EPS8L1: variants seen among roughly 807,000 people sequenced by gnomAD.
EPS8L1 encodes epidermal growth factor receptor kinase substrate 8-like protein 1.
EPS8L1 carries 101 observed loss-of-function variants against 91.7 expected under a neutral mutation model. The observed-to-expected ratio is 1.10, with a 90% CI of 0.94 to 1.30. EPS8L1 has a LOEUF of 1.30. EPS8L1 is among the 50% of genes most tolerant of loss of function. The pLI, the probability that EPS8L1 is intolerant of heterozygous loss-of-function variation, is 0.00. For synonymous variants in EPS8L1, 506 were observed against 445.3 expected, an observed-to-expected ratio of 1.14 and a Z score of -1.72; for missense variants, 1,114 against 1,017.0, an observed-to-expected ratio of 1.10 and a Z score of -1.30.
At chr19:55,077,989 C>G (rs965383698) in intron 2 of EPS8L1, 99 bp from the exon 3 acceptor site, 1 of 806,728 alleles carries the variant, frequency 1.2e-6, no homozygotes, top group Non-Finnish European at 2.1e-6. Context: ...CCATCGCTCC[C>G]CATTACCTTC....
At position 55,083,528 on chromosome 19, in the gene EPS8L1, A is replaced by G; in HGVS notation, c.1356+9A>G. 1 of 1,608,038 alleles carries G rather than the reference A, an allele frequency of 6.2e-7. No individual in the cohort carries two copies. The highest frequency in any genetic ancestry group is 1.1e-5 in the South Asian group (1 of 90,626). ...AGCGGAGGCGCCGGCAGGTGACCCAAGCGACACAGCAGGGCCGAGGCTGGG... is the reference window on the plus strand; with the variant it reads ...AGCGGAGGCGCCGGCAGGTGACCCAGGCGACACAGCAGGGCCGAGGCTGGG... On this transcript the variant is annotated intron_variant, in intron 13 of 19. Transcript: ENST00000201647. The surrounding 1 kb of genome is among the most constrained non-coding windows in gnomAD (Gnocchi z 4.7).
At position 55,086,523 on chromosome 19, in the gene EPS8L1, G is replaced by A. The variant is rs1332633471; in HGVS notation, c.1777+5G>A. The A allele has an allele frequency of 2.6e-6, 4 of 1,550,736 alleles. No homozygotes were observed. The Admixed American group carries it at 7.8e-5, about 30-fold the overall frequency. ...GCTTGGACCCCAGCGAGAAGGGTGA[G>A]TGGTGGGGACGCCGGCTGCGGGGAG... On this transcript the variant is annotated splice_donor_5th_base_variant and intron_variant, in intron 17 of 19. Coordinates refer to ENST00000201647, the MANE Select transcript of EPS8L1 (RefSeq NM_133180.3).
chr19:55,081,202 A>G lies in EPS8L1; in HGVS notation c.513-29A>G. On this transcript the variant is annotated intron_variant, in intron 7 of 19. Coordinates refer to ENST00000201647, the MANE Select transcript of EPS8L1 (RefSeq NM_133180.3). The surrounding 1 kb of genome is among the most constrained non-coding windows in gnomAD (Gnocchi z 4.9). ...CCTCCCTGGACCCCTCAGTGGACCC[A>G]GTCTTGGTGTCCCCGTCGCCCTCCG... 1 of 1,487,672 alleles carries G rather than the reference A, an allele frequency of 6.7e-7. No individual in the cohort carries two copies. The highest frequency in any genetic ancestry group is 8.9e-7 in the Non-Finnish European group (1 of 1,128,438). 92.2% of individuals were successfully genotyped at this position (1,487,672 alleles called of 1,614,324 possible). A position where few individuals can be genotyped will look rare whatever the true frequency, so the allele number is the denominator to read the frequency against.
Position 55,086,043 on chromosome 19 carries a change from GTTC to G in EPS8L1, c.1519-15_1519-13del, listed in dbSNP as rs1164613183. ...GCTGCAGACAGGCTCTGAACCCTCTGTTCTTTACCACACCCAGGTCCTGGATGA... is the reference window on the plus strand; with the variant it reads ...GCTGCAGACAGGCTCTGAACCCTCTGTTTACCACACCCAGGTCCTGGATGA... On this transcript the variant is annotated splice_polypyrimidine_tract_variant and intron_variant, in intron 15 of 19. Transcript: ENST00000201647. 2 of 1,596,788 alleles carry G rather than the reference GTTC, an allele frequency of 1.3e-6. No individual in the cohort carries two copies. The highest frequency in any genetic ancestry group is 4.5e-5 in the East Asian group (2 of 44,518).
At position 55,078,102 on chromosome 19, in the gene EPS8L1, C is replaced by T. The variant is rs1347866425; in HGVS notation, c.32C>T (p.Pro11Leu). MSTATGPEAA[P>L]KPSAKSIYEQ... ...TTCTTCACCAGCCCAGAAGCTGCCC[C>T]AAAGCCAAGCGCCAAGTCTATCTAT... Residue 11 changes from proline to leucine, a missense_variant, in exon 3 of 20, where the codon CCA (proline) becomes CTA (leucine). Physicochemically the swap from Pro to Leu is moderately conservative, Grantham distance 98. Transcript: ENST00000201647. 6.2e-7 allele frequency: 1 copy of T among 1,613,844 alleles called. No individual in the cohort carries two copies.
chr19:55,079,204 C>A, intron 4 of EPS8L1, 147 bp downstream of exon 4: 1 of 784,014 alleles, frequency 1.3e-6, no homozygotes, highest in Non-Finnish European at 2.2e-6. Flanking sequence ...TCCGTTGCCT[C>A]ACCTCAGTCA....
rs1374684092 is a variant in EPS8L1, at chr19:55,086,054, C to T, written c.1519-7C>T. The stretch of plus-strand genomic sequence containing the variant: ...GCTCTGAACCCTCTGTTCTTTACCA[C>T]ACCCAGGTCCTGGATGACAGTCGTA... On this transcript the variant is annotated splice_region_variant and splice_polypyrimidine_tract_variant and intron_variant, in intron 15 of 19. Coordinates refer to ENST00000201647, the MANE Select transcript of EPS8L1 (RefSeq NM_133180.3). 6.3e-7 allele frequency: 1 copy of T among 1,594,466 alleles called. No homozygotes were observed. Among genetic ancestry groups the T allele is most frequent in the Admixed American group, 1.7e-5 (1 of 58,844 alleles).
chr19:55,081,281 C>T lies in EPS8L1; in HGVS notation c.563C>T (p.Pro188Leu). ...GACCGCTCGCCCGCCGCTGAGACCC[C>T]GCCCCTGCAGCGCCGCCCGTCAGTC... ...QRDRSPAAETPPLQRRPSVRA... is the reference protein window; with the variant it reads ...QRDRSPAAETLPLQRRPSVRA... The change falls in exon 8 of 20, where the codon CCG (proline) becomes CTG (leucine). Residue 188 changes from proline to leucine, a missense_variant. Coordinates refer to ENST00000201647, the MANE Select transcript of EPS8L1 (RefSeq NM_133180.3). This position sits in a 1 kb window ranked among gnomAD's most constrained non-coding sequence, Gnocchi z 4.9. The T allele has an allele frequency of 1.9e-6, 3 of 1,543,148 alleles. No individual in the cohort carries two copies. Among genetic ancestry groups the T allele is most frequent in the South Asian group, 1.2e-5 (1 of 84,034 alleles).
intron 17 of EPS8L1, 81 bp from the exon 18 acceptor site, chr19:55,086,633 G>GCGCCCCCCCCCCCCCCCCCCCC: frequency 1.4e-6 from 2 of 1,428,506 alleles, no homozygotes; most frequent in Non-Finnish European, 1.9e-6. Context: ...GGACGCTGGA[G>GCGCCCCCCCCCCCCCCCCCCCC]CGCCCCCCCG....
Position 55,081,863 on chromosome 19 carries a change from G to A in EPS8L1, c.865G>A (p.Glu289Lys), listed in dbSNP as rs777137091. ...AEAARVLEHR[E>K]RGRRSRRRAA... Reference sequence around the variant, plus strand: ...GGCGGCCAGGGTGCTGGAGCACCGGGAACGCGGCCGCAGGAGCCGGCGCCG... The same window carrying A: ...GGCGGCCAGGGTGCTGGAGCACCGGAAACGCGGCCGCAGGAGCCGGCGCCG... The change falls in exon 9 of 20, where the codon GAA becomes AAA. Residue 289 changes from glutamate to lysine, a missense_variant. Glu to Lys is a moderately conservative substitution (Grantham distance 56). Transcript: ENST00000201647. This position sits in a 1 kb window ranked among gnomAD's most constrained non-coding sequence, Gnocchi z 4.9. 3 of 1,609,282 alleles carry A rather than the reference G, an allele frequency of 1.9e-6. No individual in the cohort carries two copies. Among genetic ancestry groups the A allele is most frequent in the South Asian group, 1.1e-5 (1 of 90,958 alleles).
rs779688931 is a variant in EPS8L1, at chr19:55,081,764, G to A, written c.775-9G>A. The A allele has an allele frequency of 1.9e-6, 3 of 1,602,754 alleles. No individual in the cohort carries two copies. Among genetic ancestry groups the A allele is most frequent in the African/African-American group, 1.3e-5 (1 of 74,588 alleles). ...GGAGCCCTGAGCGTCCCCCTCCTCT[G>A]TCCCCTAGGACATCCTGAACCACGT... On this transcript the variant is annotated splice_polypyrimidine_tract_variant and intron_variant, in intron 8 of 19. Transcript: ENST00000201647. The surrounding 1 kb of genome is among the most constrained non-coding windows in gnomAD (Gnocchi z 4.9).
Position 55,081,515 on chromosome 19 carries a change from T to TG in EPS8L1, c.774+28dup, listed in dbSNP as rs753070972. Reference sequence around the variant, plus strand: ...GTGGTGAGCCGCTAAGGAAGGGGTCTGGGGGCAGGGCCAGGCGACTGGAGG... The same window carrying TG: ...GTGGTGAGCCGCTAAGGAAGGGGTCTGGGGGGCAGGGCCAGGCGACTGGAGG... On this transcript the variant is annotated intron_variant, in intron 8 of 19. Transcript: ENST00000201647. The surrounding 1 kb of genome is among the most constrained non-coding windows in gnomAD (Gnocchi z 4.9). The TG allele has an allele frequency of 2.6e-6, 4 of 1,539,148 alleles. No individual in the cohort carries two copies. In the African/African-American group the frequency reaches 4.2e-5, roughly 16 times the overall value.
chr19:55,078,291 TGG>T (rs531734675), intron 3 of EPS8L1, among the ~76,000 whole-genome samples, 163 bp downstream of exon 3: 2 of 60,364 alleles, frequency 3.3e-5, no homozygotes, highest in African/African-American at 1.3e-4. Context: ...GAAGAGGGGC[TGG>T]GGGGCTGGAC....
chr19:55,087,048 C>T, intron 18 of EPS8L1, 160 bp downstream of exon 18: 1 of 1,084,830 alleles, frequency 9.2e-7, no homozygotes, highest in Non-Finnish European at 1.3e-6. Context: ...CAATGGCAGG[C>T]TGTGATTGCC....
At position 55,086,202 on chromosome 19, in the gene EPS8L1, C is replaced by G; in HGVS notation, c.1650+10C>G. ...CCCTGCCCGCAGCCTGGTGAGCCAG[C>G]GCAGACGCTGGGATCTTGAGGGTGG... is the stretch of plus-strand genomic sequence containing the variant. On this transcript the variant is annotated intron_variant, in intron 16 of 19. Coordinates refer to ENST00000201647, the MANE Select transcript of EPS8L1 (RefSeq NM_133180.3). The G allele has an allele frequency of 6.3e-7, 1 of 1,592,294 alleles. No homozygotes were observed. The highest frequency in any genetic ancestry group is 1.2e-5 in the South Asian group (1 of 86,770).
At position 55,086,512 on chromosome 19, in the gene EPS8L1, G is replaced by A. The variant is rs200225675; in HGVS notation, c.1771G>A (p.Glu591Lys). ...CDSLNGLDPS[E>K]KEKFSQMLIV... ...TAGCCTCAACGGCTTGGACCCCAGC[G>A]AGAAGGGTGAGTGGTGGGGACGCCG... The change falls in exon 17 of 20, where the codon GAG becomes AAG. Residue 591 changes from glutamate (E) to lysine (K), a missense_variant. Physicochemically the swap from Glu to Lys is moderately conservative, Grantham distance 56. Coordinates refer to ENST00000201647, the MANE Select transcript of EPS8L1 (RefSeq NM_133180.3). 9 of 1,551,202 alleles carry A rather than the reference G, an allele frequency of 5.8e-6. No homozygotes were observed. In the South Asian group the frequency reaches 8.3e-5, roughly 14 times the overall value.
intron 17 of EPS8L1, 79 bp from the exon 18 acceptor site, chr19:55,086,635 G>GGCCCCCCCCCCCCCC: frequency 4.6e-6 from 6 of 1,307,682 alleles, no homozygotes; most frequent in Non-Finnish European, 6.3e-6. Context: ...ACGCTGGAGC[G>GGCCCCCCCCCCCCCC]CCCCCCCGCC....
intron 17 of EPS8L1, 77 bp from the exon 18 acceptor site, chr19:55,086,637 C>CCCCCCCCCCCCCCCCCATGG: frequency 7.3e-7 from 1 of 1,374,364 alleles, no homozygotes; most frequent in Non-Finnish European, 1.0e-6. Flanking sequence ...GCTGGAGCGC[C>CCCCCCCCCCCCCCCCCATGG]CCCCCGCCCC....
chr19:55,085,753 C>G, intron 14 of EPS8L1, 88 bp from the exon 15 acceptor site: 1 of 1,495,442 alleles, frequency 6.7e-7, no homozygotes, highest in Non-Finnish European at 9.0e-7. Context: ...CCCAGCTTGG[C>G]TCTAACCCCA....
Sources: gnomAD v4.1 joint callset for allele counts (sites outside exome capture counted in the v4.1 genomes callset) on GRCh38, gnomAD v4.1.1 for gene constraint, Gnocchi (gnomAD v3.1) non-coding constraint, MANE v1.5 for transcripts, NCBI Gene and HGNC (gene_info 2026-07-23, HGNC 2026-07-21) for gene names.